Variants in ZNF521 observed in about 807,000 individuals in gnomAD.
ZNF521 encodes the protein LYST-interacting protein 3.
A neutral mutation model predicts 105.5 loss-of-function variants in ZNF521; 14 were observed. That is an observed-to-expected ratio of 0.13 (90% CI 0.09 to 0.21). The LOEUF (loss-of-function observed/expected upper bound fraction) is 0.21, where lower values mean the gene tolerates loss of function less well. ZNF521 is among the 10% of genes least tolerant of loss of function. The pLI is 1.00. For synonymous variants in ZNF521, 635 were observed against 606.0 expected (o/e 1.05, Z -0.70); for missense variants, 1,233 against 1,629.7 (o/e 0.76, Z 4.19).
chr18:25,125,969 C>T (rs1333104295), intron 5 of ZNF521, among the ~76,000 whole-genome samples: 2 of 151,936 alleles, frequency 1.3e-5, no homozygotes, highest in Non-Finnish European at 2.9e-5. Context: ...TATTTGTGCA[C>T]CATATTCCCC....
intron 5 of ZNF521, among the ~76,000 whole-genome samples, chr18:25,156,171 A>G (rs565330459): frequency 5.7e-4 from 87 of 152,338 alleles, no homozygotes; most frequent in Middle Eastern, 3.4e-3. Flanking sequence ...TCCCATTATT[A>G]TAACTATTTT....
intron 4 of ZNF521, among the ~76,000 whole-genome samples, chr18:25,212,538 A>AAATATAT (rs1555647923): frequency 6.2e-5 from 3 of 48,142 alleles, no homozygotes; most frequent in African/African-American, 3.9e-4. Context: ...AAAAAAAAAA[A>AAATATAT]ATATATATAT....
At chr18:25,201,935 T>C (rs1408979376) in intron 4 of ZNF521, 1 of 152,188 alleles carries the variant, frequency 6.6e-6, no homozygotes, top group African/African-American at 2.4e-5. Context: ...GTACCATGCC[T>C]ACCACGTAGC....
intron 5 of ZNF521, among the ~76,000 whole-genome samples, chr18:25,098,051 G>A (rs1467898915): frequency 6.6e-6 from 1 of 152,108 alleles, no homozygotes; most frequent in African/African-American, 2.4e-5. Context: ...AGGGAGAGGA[G>A]AGGCAGGCAG....
intron 3 of ZNF521, among the ~76,000 whole-genome samples, chr18:25,243,985 G>A (rs1386394922): frequency 1.3e-5 from 2 of 152,020 alleles, no homozygotes; most frequent in Non-Finnish European, 2.9e-5. Flanking sequence ...TTGTTCAACC[G>A]CATAAATTCA....
chr18:25,308,556 C>T (rs139961573), intron 3 of ZNF521, among the ~76,000 whole-genome samples: 1 of 151,994 alleles, frequency 6.6e-6, no homozygotes, highest in East Asian at 1.9e-4. Flanking sequence ...AGCACCTCTT[C>T]CCCTTTCTCG....
At chr18:25,242,984 T>A (rs923759826) in intron 3 of ZNF521, among the ~76,000 whole-genome samples, 52 of 152,216 alleles carry the variant, frequency 3.4e-4, no homozygotes, top group African/African-American at 1.0e-3. Context: ...TAATCATCCC[T>A]TGGTATAAAA....
intron 3 of ZNF521, among the ~76,000 whole-genome samples, chr18:25,285,344 G>T (rs1910640042): frequency 6.6e-6 from 1 of 152,218 alleles, no homozygotes; most frequent in Admixed American, 6.5e-5. Context: ...AACCTCGGGG[G>T]ACTCCAGCAA....
chr18:25,149,420 T>C lies in ZNF521; in HGVS notation c.3658+45740A>G, dbSNP rs149499876. On this transcript the variant is annotated intron_variant, in intron 5 of 7. Coordinates refer to ENST00000361524, the MANE Select transcript of ZNF521 (RefSeq NM_015461.3). The stretch of plus-strand genomic sequence containing the variant: ...ATGTGGGGCCAATATATAAGGTTGA[T>C]ATTCTTATAATTATCTATGATGTCA... Among the ~76,000 whole-genome samples the C allele has an allele frequency of 1.1e-3, 172 of 152,286 alleles. 1 individual carries two copies. The highest frequency in any genetic ancestry group is 3.6e-3 in the African/African-American group (151 of 41,562).
intron 3 of ZNF521, among the ~76,000 whole-genome samples, chr18:25,290,003 T>C (rs1910922752): frequency 6.6e-6 from 1 of 151,906 alleles, no homozygotes; most frequent in African/African-American, 2.4e-5. Context: ...ATAAATACAG[T>C]GCAAAAAAAA....
intron 5 of ZNF521, among the ~76,000 whole-genome samples, chr18:25,147,514 T>C (rs2034966554): frequency 6.6e-6 from 1 of 152,178 alleles, no homozygotes; most frequent in South Asian, 2.1e-4. Flanking sequence ...CCAGGTTTCA[T>C]GCAGTAGACA....
At chr18:25,185,499 T>C (rs1256419188) in intron 5 of ZNF521, among the ~76,000 whole-genome samples, 1 of 152,104 alleles carries the variant, frequency 6.6e-6, no homozygotes, top group African/African-American at 2.4e-5. Flanking sequence ...GAAGTAATAA[T>C]AACAATAAAA....
rs1302586179 is a variant in ZNF521, at chr18:25,312,541, G to A, written c.220+9467C>T. Among the ~76,000 whole-genome samples, 17 of 36,764 alleles carry A rather than the reference G, an allele frequency of 4.6e-4. 4 individuals are homozygous for A. The highest frequency in any genetic ancestry group is 1.3e-3 in the African/African-American group (13 of 9,838). 24.1% of individuals were successfully genotyped at this position (36,764 alleles called of 152,430 possible). ...CAGAAGTTGGAACCAGGCCGGGCGCGGTGGCTCACGCCTGTAATCCCAGCA... is the reference window on the plus strand; with the variant it reads ...CAGAAGTTGGAACCAGGCCGGGCGCAGTGGCTCACGCCTGTAATCCCAGCA... On this transcript the variant is annotated intron_variant, in intron 3 of 7. Coordinates refer to ENST00000361524, the MANE Select transcript of ZNF521 (RefSeq NM_015461.3).
rs569240293 is a variant in ZNF521, at chr18:25,109,640, G to A, written c.3659-17559C>T. On this transcript the variant is annotated intron_variant, in intron 5 of 7. Coordinates refer to ENST00000361524, the MANE Select transcript of ZNF521 (RefSeq NM_015461.3). The stretch of plus-strand genomic sequence containing the variant: ...TGCTTTTTGACTTTCTAATAATACC[G>A]TTCTGACTGGTGTAAGATGATACCT... Among the ~76,000 whole-genome samples the A allele has an allele frequency of 4.6e-5, 7 of 152,078 alleles. No homozygotes were observed. The South Asian group carries it at 8.3e-4, about 18-fold the overall frequency.
At chr18:25,215,459 C>T (rs1182458157) in intron 4 of ZNF521, among the ~76,000 whole-genome samples, 2 of 151,696 alleles carry the variant, frequency 1.3e-5, no homozygotes, top group Admixed American at 6.6e-5. Context: ...TAAAATCATC[C>T]TGACTAGATA....
At chr18:25,219,584 G>A (rs1048156807) in intron 4 of ZNF521, among the ~76,000 whole-genome samples, 1 of 152,102 alleles carries the variant, frequency 6.6e-6, no homozygotes. Flanking sequence ...AACACTTTGG[G>A]AGGCTGAGGC....
chr18:25,204,302 T>A (rs1456913683), intron 4 of ZNF521, among the ~76,000 whole-genome samples: 1 of 152,236 alleles, frequency 6.6e-6, no homozygotes, highest in Admixed American at 6.5e-5. Flanking sequence ...GAGCCATTTT[T>A]AAAATGTTTT....
chr18:25,082,469 C>T, intron 7 of ZNF521: 1 of 408,874 alleles, frequency 2.4e-6, no homozygotes, highest in Non-Finnish European at 4.8e-6. Context: ...ACCCAGGGGT[C>T]CCAGCAGAAG....
At chr18:25,295,761 A>G (rs986664276) in intron 3 of ZNF521, among the ~76,000 whole-genome samples, 2 of 152,238 alleles carry the variant, frequency 1.3e-5, no homozygotes, top group Non-Finnish European at 2.9e-5. Flanking sequence ...GCTGCTATGA[A>G]TATACATGTA....
Sources: gnomAD v4.1 joint callset for allele counts (sites outside exome capture counted in the v4.1 genomes callset) on GRCh38, gnomAD v4.1.1 for gene constraint, MANE v1.5 for transcripts, NCBI Gene and HGNC (gene_info 2026-07-23, HGNC 2026-07-21) for gene names.